The following ADCY9 variants were observed in gnomAD, a reference collection of about 807,000 sequenced individuals.
The protein encoded by ADCY9 is adenylate cyclase 9, also known as adenylate cyclase type 9.
ADCY9 carries 50 observed loss-of-function variants against 101.5 expected under a neutral mutation model. That is an observed-to-expected ratio of 0.49 (90% CI 0.39 to 0.62). The LOEUF (loss-of-function observed/expected upper bound fraction) is 0.62, where lower values mean the gene tolerates loss of function less well. Ranked by LOEUF, ADCY9 falls within the 20% of genes least tolerant of loss-of-function variation. ADCY9 has a pLI of 0.00. For missense variants in ADCY9, 1,662 were observed against 1,800.4 expected, an observed-to-expected ratio of 0.92 and a Z score of 1.39; for synonymous variants, 905 against 769.3, an observed-to-expected ratio of 1.18 and a Z score of -2.92.
chr16:3,961,748 G>A (rs925146000), downstream of ADCY9, among the ~76,000 whole-genome samples: 12 of 152,082 alleles, frequency 7.9e-5, no homozygotes, highest in Non-Finnish European at 1.5e-4. Flanking sequence ...TTACCAGGCC[G>A]GGCACAGTGG....
intron 6 of ADCY9, among the ~76,000 whole-genome samples, chr16:3,986,114 C>A (rs937783942): frequency 6.6e-6 from 1 of 152,270 alleles, no homozygotes; most frequent in African/African-American, 2.4e-5. Context: ...TGCAGCCGGG[C>A]TGTCTGGGCT....
At position 4,115,073 on chromosome 16, in the gene ADCY9, C is replaced by A. The variant is rs775297017; in HGVS notation, c.370G>T (p.Gly124Cys). 29 of 1,613,978 alleles carry A rather than the reference C, an allele frequency of 1.8e-5. No individual in the cohort carries two copies. The highest frequency in any genetic ancestry group is 1.8e-5 in the Non-Finnish European group (21 of 1,180,022). The change falls in exon 2 of 11, where the codon GGC (glycine) becomes TGC (cysteine). Residue 124 changes from glycine (G) to cysteine (C), a missense_variant. Physicochemically the swap from Gly to Cys is radical, Grantham distance 159. This residue lies in a region of ADCY9 where 422 missense variants were observed against 392.0 expected (regional missense o/e 1.08). Coordinates refer to ENST00000294016, the MANE Select transcript of ADCY9 (RefSeq NM_001116.4). The surrounding 1 kb of genome is among the most constrained non-coding windows in gnomAD (Gnocchi z 6.2). ...RRFRYALFYI[G>C]FACLLWSIYF... ...ATGCTCCACAGAAGGCAGGCGAAGC[C>A]GATGTAGAAGAGCGCATACCGGAAC...
At chr16:3,983,141 G>C in intron 7 of ADCY9, 91 bp downstream of exon 7, 1 of 1,229,172 alleles carries the variant, frequency 8.1e-7, no homozygotes, top group Non-Finnish European at 1.1e-6. Flanking sequence ...CAGCTGGCTG[G>C]GGACCAGTCC....
chr16:3,995,960 G>C (rs1020884942), intron 3 of ADCY9, among the ~76,000 whole-genome samples: 1 of 152,034 alleles, frequency 6.6e-6, no homozygotes, highest in Non-Finnish European at 1.5e-5. Context: ...TTTGCTTACA[G>C]CTCTTTAAAA....
intron 10 of ADCY9, among the ~76,000 whole-genome samples, chr16:3,967,270 G>A (rs538044259): frequency 6.6e-6 from 1 of 151,638 alleles, no homozygotes; most frequent in South Asian, 2.1e-4. Context: ...AATTACAGGC[G>A]TGAGCTGCTG....
chr16:4,078,983 A>G (rs1597212323), intron 2 of ADCY9, among the ~76,000 whole-genome samples: 1 of 152,232 alleles, frequency 6.6e-6, no homozygotes, highest in East Asian at 1.9e-4. Flanking sequence ...ACACTGTTAT[A>G]ATTGACAATA....
intron 2 of ADCY9, among the ~76,000 whole-genome samples, chr16:4,025,895 C>G (rs2056511613): frequency 6.6e-6 from 1 of 152,144 alleles, no homozygotes; most frequent in African/African-American, 2.4e-5. Flanking sequence ...GAGATTCAGG[C>G]TGGTGTAGAA....
chr16:4,059,370 G>A (rs1313878766), intron 2 of ADCY9, among the ~76,000 whole-genome samples: 2 of 90,154 alleles, frequency 2.2e-5, no homozygotes, highest in Admixed American at 1.6e-4. Context: ...GACACAGCGA[G>A]AATCCATCGA....
rs61565312 is a variant in ADCY9 at position 4,107,550 on chromosome 16, C to CAAAAAAAAAAA, written c.1693+6189_1693+6199dup. The stretch of plus-strand genomic sequence containing the variant: ...TGGGTGACACAGCCAGACTCTGTCT[C>CAAAAAAAAAAA]AAAAAAAAAAAAAAAAAAAAAAAAA... On this transcript the variant is annotated intron_variant, in intron 2 of 10. Coordinates refer to ENST00000294016, the MANE Select transcript of ADCY9 (RefSeq NM_001116.4). Among the ~76,000 whole-genome samples, 2 of 72,822 alleles carry CAAAAAAAAAAA rather than the reference C, an allele frequency of 2.7e-5. 1 individual carries two copies. Among genetic ancestry groups the CAAAAAAAAAAA allele is most frequent in the Non-Finnish European group, 4.8e-5 (2 of 41,570 alleles). The allele number at this position is 72,822 out of a possible 152,430, so 47.8% of individuals were successfully genotyped here.
chr16:3,990,192 C>T (rs1413735773), intron 5 of ADCY9, among the ~76,000 whole-genome samples: 2 of 152,122 alleles, frequency 1.3e-5, no homozygotes, highest in Non-Finnish European at 1.5e-5. Context: ...AGGCTGGGCG[C>T]GGTGGCTCAT....
At chr16:3,968,675 A>G (rs2056020570) in intron 10 of ADCY9, among the ~76,000 whole-genome samples, 1 of 152,126 alleles carries the variant, frequency 6.6e-6, no homozygotes, top group African/African-American at 2.4e-5. Context: ...CCCCTGATGG[A>G]ACTGGGCCCG....
intron 2 of ADCY9, among the ~76,000 whole-genome samples, chr16:4,097,528 CATATATAT>C (rs1166805300): frequency 3.1e-5 from 2 of 64,546 alleles, no homozygotes; most frequent in African/African-American, 8.7e-5. Flanking sequence ...TACATATGTA[CATATATAT>C]ATATATATAT....
intron 2 of ADCY9, among the ~76,000 whole-genome samples, chr16:4,109,062 C>G (rs1396014246): frequency 2.0e-5 from 3 of 152,158 alleles, no homozygotes; most frequent in Non-Finnish European, 4.4e-5. Context: ...TTCCTGCAAC[C>G]TTCTCCCAGT....
At chr16:4,036,522 G>C (rs1316798284) in intron 2 of ADCY9, among the ~76,000 whole-genome samples, 2 of 146,610 alleles carry the variant, frequency 1.4e-5, no homozygotes, top group South Asian at 4.3e-4. Flanking sequence ...GAGTGCAGTG[G>C]TGCAATCTCG....
At chr16:3,960,273 A>G (rs1159894541), downstream of ADCY9, among the ~76,000 whole-genome samples, 1 of 151,966 alleles carries the variant, frequency 6.6e-6, no homozygotes, top group Non-Finnish European at 1.5e-5. Context: ...TAATCCCAGC[A>G]CTTAGGGAGG....
chr16:4,025,370 G>A, intron 2 of ADCY9, among the ~76,000 whole-genome samples: 1 of 60,406 alleles, frequency 1.7e-5, no homozygotes, highest in East Asian at 3.3e-4. Context: ...GCAAGACTCT[G>A]TCTCCAAAAA....
At chr16:4,078,570 A>T (rs1020391087) in intron 2 of ADCY9, among the ~76,000 whole-genome samples, 3 of 137,212 alleles carry the variant, frequency 2.2e-5, no homozygotes, top group African/African-American at 7.9e-5. Context: ...AAGAAAAAAA[A>T]AAAAGAAAAC....
At position 3,983,345 on chromosome 16, in the gene ADCY9, G is replaced by A. The variant is rs760805455; in HGVS notation, c.2406C>T (p.Ser802=). 2.5e-6 allele frequency: 4 copies of A among 1,596,474 alleles called. No individual in the cohort carries two copies. Among genetic ancestry groups the A allele is most frequent in the Non-Finnish European group, 3.4e-6 (4 of 1,171,460 alleles). Residue 802 remains serine, a synonymous_variant, in exon 7 of 11, where the codon TCC becomes TCT. Transcript: ENST00000294016. ...FLSTTVFLTL[S]TTCFLKYEAA... is the part of the protein sequence containing the mutation. ...CCTCGTACTTCAGGAAGCAGGTGGT[G>A]GACAGCGTCAGAAACACTGTGGTCG...
intron 2 of ADCY9, among the ~76,000 whole-genome samples, chr16:4,008,624 T>G (rs1453113874): frequency 6.6e-6 from 1 of 151,002 alleles, no homozygotes; most frequent in African/African-American, 2.4e-5. Context: ...CAGGATGGAG[T>G]GCAATGGTGC....
Sources: allele counts gnomAD v4.1 joint callset (sites outside exome capture counted in the v4.1 genomes callset), GRCh38; gene constraint gnomAD v4.1.1; regional missense constraint gnomAD v4.1.1; non-coding constraint Gnocchi (gnomAD v3.1); transcripts MANE v1.5; gene names NCBI Gene and HGNC (gene_info 2026-07-23, HGNC 2026-07-21).